Variants in SLF2 observed in about 807,000 individuals in gnomAD.
SLF2 encodes the protein SMC5-SMC6 complex localization factor protein 2.
In SLF2, 68 loss-of-function variants were observed where a neutral mutation model predicts 124.3. The observed-to-expected ratio is 0.55, with a 90% CI of 0.45 to 0.67. The LOEUF (loss-of-function observed/expected upper bound fraction) is 0.67. SLF2 is among the 30% of genes least tolerant of loss of function. The probability of loss-of-function intolerance (pLI) is 0.00; values close to 1 mark genes in which losing one functional copy is unlikely to be tolerated. For synonymous variants in SLF2, 480 were observed against 478.8 expected, an observed-to-expected ratio of 1.00 and a Z score of -0.03; for missense variants, 1,246 against 1,373.7, an observed-to-expected ratio of 0.91 and a Z score of 1.47.
At chr10:100,950,582 TTATC>T in intron 16 of SLF2, 90 bp from the exon 17 acceptor site, 2 of 1,086,362 alleles carry the variant, frequency 1.8e-6, no homozygotes, top group Non-Finnish European at 2.8e-6. Context: ...ACCGTATCCT[TTATC>T]CTTCCTGGGC....
intron 18 of SLF2, among the ~76,000 whole-genome samples, chr10:100,959,076 A>T (rs772958768): frequency 9.9e-5 from 15 of 152,206 alleles, no homozygotes; most frequent in Non-Finnish European, 1.6e-4. Flanking sequence ...GGCCCTGTTG[A>T]CACAGACCAC....
chr10:100,948,877 C>G (rs532109805), intron 15 of SLF2, among the ~76,000 whole-genome samples: 1 of 152,292 alleles, frequency 6.6e-6, no homozygotes, highest in Admixed American at 6.5e-5. Context: ...CAGAGCGAGA[C>G]TCTGTCTCAA....
Position 100,951,384 on chromosome 10 carries a change from G to A in SLF2, c.3330+631G>A, listed in dbSNP as rs1188646744. ...TACCAAATGGGCTGGTGTTGTGCTGGACCCATATTGACTCCAGTAGAAATG... is the reference window on the plus strand; with the variant it reads ...TACCAAATGGGCTGGTGTTGTGCTGAACCCATATTGACTCCAGTAGAAATG... On this transcript the variant is annotated intron_variant, in intron 17 of 19. Transcript: ENST00000238961. Among the ~76,000 whole-genome samples, 5 of 152,190 alleles carry A rather than the reference G, an allele frequency of 3.3e-5. No individual in the cohort carries two copies. In the East Asian group the frequency reaches 7.7e-4, roughly 23 times the overall value.
intron 12 of SLF2, 63 bp downstream of exon 12, chr10:100,944,191 GT>G: frequency 7.0e-6 from 8 of 1,140,248 alleles, no homozygotes; most frequent in Non-Finnish European, 7.4e-6. Flanking sequence ...GTGGTTAATG[GT>G]TTTTAAAAAA....
chr10:100,914,504 T>TA (rs1287375788), intron 1 of SLF2, among the ~76,000 whole-genome samples: 2 of 152,212 alleles, frequency 1.3e-5, no homozygotes, highest in African/African-American at 4.8e-5. Context: ...AGGGAAGAGA[T>TA]ACAGTGTTAC....
At chr10:100,945,657 T>C in intron 13 of SLF2, 151 bp downstream of exon 13, 1 of 629,938 alleles carries the variant, frequency 1.6e-6, no homozygotes, top group East Asian at 3.7e-5. Context: ...AGCTGTATTA[T>C]TTAAATTCGT....
At chr10:100,916,460 T>C in intron 2 of SLF2, 110 bp from the exon 3 acceptor site, 1 of 943,808 alleles carries the variant, frequency 1.1e-6, no homozygotes, top group African/African-American at 1.7e-5. Flanking sequence ...TTGAAAATTT[T>C]TGTGGTAACA....
Position 100,928,859 on chromosome 10 carries a change from T to C in SLF2, c.2043-458T>C, listed in dbSNP as rs535603047. Among the ~76,000 whole-genome samples, 11 of 152,332 alleles carry C rather than the reference T, an allele frequency of 7.2e-5. No homozygotes were observed. In the South Asian group the frequency reaches 2.3e-3, roughly 32 times the overall value. ...CGGTAAATGTTAGGTGTTGTGATGA[T>C]GATGACAGTGACAACTACTGCTGCT... On this transcript the variant is annotated intron_variant, in intron 6 of 19. Coordinates refer to ENST00000238961, the MANE Select transcript of SLF2 (RefSeq NM_018121.4).
At chr10:100,919,247 G>A (rs1349633586) in intron 4 of SLF2, among the ~76,000 whole-genome samples, 2 of 151,842 alleles carry the variant, frequency 1.3e-5, no homozygotes, top group Admixed American at 6.6e-5. Context: ...TCCTGACCTC[G>A]TGATCTGCCC....
intron 9 of SLF2, among the ~76,000 whole-genome samples, chr10:100,933,981 A>G (rs1354203110): frequency 6.6e-6 from 1 of 152,206 alleles, no homozygotes; most frequent in Non-Finnish European, 1.5e-5. Context: ...ACCCAGCCTA[A>G]AATATTTTTA....
At position 100,913,075 on chromosome 10, in the gene SLF2, G is replaced by A. The variant is rs1390327928; in HGVS notation, c.-36G>A. 1.2e-6 allele frequency: 2 copies of A among 1,603,988 alleles called. No homozygotes were observed. Among genetic ancestry groups the A allele is most frequent in the Non-Finnish European group, 1.7e-6 (2 of 1,175,400 alleles). On this transcript the variant is annotated 5_prime_UTR_variant, in exon 1 of 20. Coordinates refer to ENST00000238961, the MANE Select transcript of SLF2 (RefSeq NM_018121.4). ...GGCAACCACGCACCCAACTTCTCCA[G>A]CCACGGCTCATGCCGCCGTCGCCAG...
Position 100,959,411 on chromosome 10 carries a change from T to A in SLF2, c.3418-17T>A, listed in dbSNP as rs754078099. The A allele has an allele frequency of 1.3e-6, 2 of 1,598,060 alleles. No homozygotes were observed. Among genetic ancestry groups the A allele is most frequent in the East Asian group, 4.5e-5 (2 of 44,682 alleles). ...TGTTTTAATCTGATCCCTTTTCCTG[T>A]TTTTGATATTTTTAAGGTGAAAGAC... On this transcript the variant is annotated splice_polypyrimidine_tract_variant and intron_variant, in intron 18 of 19. Coordinates refer to ENST00000238961, the MANE Select transcript of SLF2 (RefSeq NM_018121.4).
At chr10:100,949,032 G>T (rs1256993599) in intron 15 of SLF2, among the ~76,000 whole-genome samples, 1 of 152,196 alleles carries the variant, frequency 6.6e-6, no homozygotes, top group Non-Finnish European at 1.5e-5. Context: ...ATAATCTAAT[G>T]GTTGAAACAA....
rs1472840890 is a variant in SLF2 at position 100,961,912 on chromosome 10, A to G, written c.3522A>G (p.Ter1174=). The G allele has an allele frequency of 5.0e-6, 8 of 1,607,522 alleles. No homozygotes were observed. In the Admixed American group the frequency reaches 6.7e-5, roughly 13 times the overall value. ...ATGACTTCTGGGTACCAGATTCTTA[A>G]TAGGAGTTGCAGCAGCAAAAATATG... ...QLHDFWVPDS[*] The change falls in exon 20 of 20, where the codon TAA becomes TAG. Residue 1174 remains the stop codon, a stop_retained_variant. Transcript: ENST00000238961.
In SLF2 at chr10:100,929,942, G is replaced by C. The variant is rs1849697240; in HGVS notation, c.2278G>C (p.Asp760His). 6.4e-7 allele frequency: 1 copy of C among 1,570,842 alleles called. No individual in the cohort carries two copies. The highest frequency in any genetic ancestry group is 1.4e-5 in the African/African-American group (1 of 73,214). Reference protein sequence around the residue: ...SGKIFNQYTLDLRDSGFIGQS... With the variant: ...SGKIFNQYTLHLRDSGFIGQS... ...AAAAATTTTCAATCAGTATACCTTG[G>C]ATTTAAGAGACTCTGGTTTTATTGG... Residue 760 changes from aspartate to histidine, a missense_variant, in exon 8 of 20, where the codon GAT becomes CAT. Physicochemically the swap from Asp to His is moderately conservative, Grantham distance 81. Transcript: ENST00000238961.
chr10:100,940,231 T>G (rs1019127084), intron 11 of SLF2, among the ~76,000 whole-genome samples: 10 of 152,240 alleles, frequency 6.6e-5, no homozygotes, highest in Non-Finnish European at 1.3e-4. Context: ...TGGTAGTGGC[T>G]ATAGTCACTA....
At chr10:100,931,259 T>G (rs949021622) in intron 9 of SLF2, among the ~76,000 whole-genome samples, 181 bp downstream of exon 9, 1 of 152,224 alleles carries the variant, frequency 6.6e-6, no homozygotes, top group African/African-American at 2.4e-5. Context: ...AAAGGGATAA[T>G]GTAGATAGTT....
At position 100,913,159 on chromosome 10, in the gene SLF2, G is replaced by C. The variant is rs1169838941; in HGVS notation, c.49G>C (p.Ala17Pro). ...TAGGCCAGGTTTCCCCTCATCCCCA[G>C]CCCCGGGGTCGTCGCCCCCGCGCTG... ...PARPGFPSSP[A>P]PGSSPPRCHL... The change falls in exon 1 of 20, where the codon GCC becomes CCC. Residue 17 changes from alanine (A) to proline (P), a missense_variant. Coordinates refer to ENST00000238961, the MANE Select transcript of SLF2 (RefSeq NM_018121.4). 6.2e-7 allele frequency: 1 copy of C among 1,613,540 alleles called. No individual in the cohort carries two copies.
Position 100,950,066 on chromosome 10 carries a change from CTTTT to C in SLF2, c.3121-9_3121-6del. The C allele has an allele frequency of 6.4e-7, 1 of 1,552,516 alleles. No individual in the cohort carries two copies. The highest frequency in any genetic ancestry group is 8.7e-7 in the Non-Finnish European group (1 of 1,147,536). On this transcript the variant is annotated splice_region_variant and splice_polypyrimidine_tract_variant and intron_variant, in intron 15 of 19. Coordinates refer to ENST00000238961, the MANE Select transcript of SLF2 (RefSeq NM_018121.4). The stretch of plus-strand genomic sequence containing the variant: ...TAGCTTTGTTCAATGTCTCCTCTTT[CTTTT>C]GATAGGTATCAGTCCTACATCGCTA...
Sources: allele counts gnomAD v4.1 joint callset (sites outside exome capture counted in the v4.1 genomes callset), GRCh38; gene constraint gnomAD v4.1.1; transcripts MANE v1.5; gene names NCBI Gene and HGNC (gene_info 2026-07-23, HGNC 2026-07-21).